Variants in PHACTR3 observed in about 807,000 individuals in gnomAD.
PHACTR3 encodes protein phosphatase 1, regulatory subunit 123.
A neutral mutation model predicts 66.8 loss-of-function variants in PHACTR3; 16 were observed. That is an observed-to-expected ratio of 0.24 (90% CI 0.16 to 0.36). The LOEUF is 0.36. Among genes scored for constraint, PHACTR3 ranks in the 10% least tolerant of loss-of-function variants. The pLI is 1.00. For synonymous variants in PHACTR3, 323 were observed against 292.1 expected (o/e 1.11, Z -1.08); for missense variants, 647 against 719.9 (o/e 0.90, Z 1.16).
chr20:59,591,128 A>G (rs1306720817), intron 1 of PHACTR3, among the ~76,000 whole-genome samples: 1 of 152,154 alleles, frequency 6.6e-6, no homozygotes, highest in Non-Finnish European at 1.5e-5. Context: ...AGAATATTCT[A>G]GCGCATGGTG....
intron 8 of PHACTR3, among the ~76,000 whole-genome samples, chr20:59,813,105 T>C (rs2041786229): frequency 6.6e-6 from 1 of 152,200 alleles, no homozygotes; most frequent in African/African-American, 2.4e-5. Flanking sequence ...TGGTCCACGT[T>C]CACTGGGCTG....
intron 1 of PHACTR3, among the ~76,000 whole-genome samples, chr20:59,632,175 G>C (rs1027472871): frequency 1.2e-4 from 19 of 152,162 alleles, no homozygotes; most frequent in African/African-American, 4.1e-4. Context: ...CACTGCTCCA[G>C]GTTCCTGAGA....
At position 59,692,420 on chromosome 20, in the gene PHACTR3, G is replaced by A. The variant is rs554773702; in HGVS notation, c.119-50687G>A. Among the ~76,000 whole-genome samples the A allele has an allele frequency of 3.3e-5, 5 of 152,276 alleles. No homozygotes were observed. In the South Asian group the frequency reaches 6.2e-4, roughly 19 times the overall value. The stretch of plus-strand genomic sequence containing the variant: ...TTGCCCAGTGATGATTTTGACTGTC[G>A]CTTGCCAGGGGCCTGGGCTTGTGGT... On this transcript the variant is annotated intron_variant, in intron 1 of 12. Coordinates refer to ENST00000371015, the MANE Select transcript of PHACTR3 (RefSeq NM_080672.5).
intron 1 of PHACTR3, among the ~76,000 whole-genome samples, chr20:59,649,170 G>A (rs1180619941): frequency 6.6e-6 from 1 of 152,132 alleles, no homozygotes; most frequent in African/African-American, 2.4e-5. Context: ...ATGAGAGTGA[G>A]GTTTTATGGT....
intron 8 of PHACTR3, among the ~76,000 whole-genome samples, chr20:59,806,690 G>C (rs7509236): frequency 6.6e-6 from 1 of 152,104 alleles, no homozygotes; most frequent in Non-Finnish European, 1.5e-5. Context: ...ATGCAGTCAC[G>C]TGTCACTTAA....
intron 1 of PHACTR3, among the ~76,000 whole-genome samples, chr20:59,674,714 TCTCCTGTTCCCCCTC>T (rs1272515889): frequency 1.2e-5 from 1 of 84,678 alleles, no homozygotes; most frequent in African/African-American, 4.7e-5. Flanking sequence ...TGTCCCCCCT[TCTCCTGTTCCCCCTC>T]CTCCTGTTCC....
chr20:59,831,629 GC>G (rs1191309825), intron 8 of PHACTR3, among the ~76,000 whole-genome samples: 1 of 152,078 alleles, frequency 6.6e-6, no homozygotes, highest in Non-Finnish European at 1.5e-5. Context: ...CACCTACCCC[GC>G]CCCACCCCTC....
At chr20:59,732,311 G>A (rs2038793997) in intron 1 of PHACTR3, among the ~76,000 whole-genome samples, 1 of 152,200 alleles carries the variant, frequency 6.6e-6, no homozygotes, top group African/African-American at 2.4e-5. Flanking sequence ...CCTTGAACGA[G>A]TGCTTTCGTG....
chr20:59,836,391 T>G, intron 8 of PHACTR3, 114 bp from the exon 9 acceptor site: 19 of 902,422 alleles, frequency 2.1e-5, no homozygotes, highest in Non-Finnish European at 2.9e-5. Flanking sequence ...CTCCTTCCAA[T>G]TTTGGGAGGC....
intron 1 of PHACTR3, among the ~76,000 whole-genome samples, chr20:59,582,930 C>CT (rs138490238): frequency 0.013 from 2,001 of 151,260 alleles, 55 homozygotes; most frequent in African/African-American, 0.046. Flanking sequence ...ATGTATCCAG[C>CT]TTTTTTTTTG....
chr20:59,619,213 G>T (rs1362364932), intron 1 of PHACTR3, among the ~76,000 whole-genome samples: 1 of 152,178 alleles, frequency 6.6e-6, no homozygotes, highest in Non-Finnish European at 1.5e-5. Flanking sequence ...TATCTTATAT[G>T]CACAGGAGAC....
At chr20:59,834,691 T>C (rs1389361960) in intron 8 of PHACTR3, among the ~76,000 whole-genome samples, 1 of 152,162 alleles carries the variant, frequency 6.6e-6, no homozygotes, top group African/African-American at 2.4e-5. Context: ...TTCATTTGGG[T>C]CTCAGCGAAA....
intron 2 of PHACTR3, among the ~76,000 whole-genome samples, chr20:59,746,582 A>C (rs2039381472): frequency 6.6e-6 from 1 of 152,256 alleles, no homozygotes; most frequent in South Asian, 2.1e-4. Flanking sequence ...CACTTGGCAC[A>C]TAGCAGGTGC....
chr20:59,759,944 G>A (rs2039938861), intron 4 of PHACTR3, among the ~76,000 whole-genome samples: 2 of 152,176 alleles, frequency 1.3e-5, no homozygotes, highest in African/African-American at 4.8e-5. Context: ...AGAACATGGT[G>A]CCCCGTGGGT....
At chr20:59,706,753 A>G (rs1380341934) in intron 1 of PHACTR3, among the ~76,000 whole-genome samples, 1 of 152,172 alleles carries the variant, frequency 6.6e-6, no homozygotes. Flanking sequence ...AGCCAGAACA[A>G]CCAGAGGACC....
At chr20:59,739,465 C>A (rs2039074002) in intron 1 of PHACTR3, among the ~76,000 whole-genome samples, 2 of 152,234 alleles carry the variant, frequency 1.3e-5, no homozygotes, top group South Asian at 4.2e-4. Flanking sequence ...TTGGGGAAGC[C>A]TCAGAAAACT....
chr20:59,677,353 G>A (rs894247131), intron 1 of PHACTR3, among the ~76,000 whole-genome samples: 3 of 152,134 alleles, frequency 2.0e-5, no homozygotes, highest in Admixed American at 6.6e-5. Context: ...GTGGGAGTGT[G>A]GGAGTGGGTG....
At chr20:59,845,035 C>T (rs981144249) in intron 11 of PHACTR3, 154 bp from the exon 12 acceptor site, 6 of 542,550 alleles carry the variant, frequency 1.1e-5, no homozygotes, top group African/African-American at 9.6e-5. Flanking sequence ...ATGAGTATGG[C>T]AGTTTTAATG....
At chr20:59,600,096 G>T (rs1350292502), upstream of PHACTR3, among the ~76,000 whole-genome samples, 2 of 152,128 alleles carry the variant, frequency 1.3e-5, no homozygotes, top group Admixed American at 6.5e-5. Flanking sequence ...GGACTTCAGG[G>T]CTCCATGCTG....
Sources: allele counts gnomAD v4.1 joint callset (sites outside exome capture counted in the v4.1 genomes callset), GRCh38; gene constraint gnomAD v4.1.1; transcripts MANE v1.5; gene names NCBI Gene and HGNC (gene_info 2026-07-23, HGNC 2026-07-21).